The following MS4A8 variants were observed in gnomAD, a reference collection of about 807,000 sequenced individuals.
MS4A8 encodes the protein membrane spanning 4-domains A8.
Under a neutral mutation model 23.7 loss-of-function variants are expected in MS4A8, and 27 were observed. The ratio of observed to expected loss-of-function variants is 1.14; its 90% confidence interval spans 0.84 to 1.57. The LOEUF is 1.57. Among genes scored for constraint, MS4A8 ranks in the 40% most tolerant of loss-of-function variants. The pLI is 0.00. For missense variants in MS4A8, 301 were observed against 311.4 expected, an observed-to-expected ratio of 0.97 and a Z score of 0.25; for synonymous variants, 138 against 126.3, an observed-to-expected ratio of 1.09 and a Z score of -0.62.
intron 5 of MS4A8, among the ~76,000 whole-genome samples, chr11:60,711,094 T>C (rs796098431): frequency 1.4e-4 from 21 of 152,328 alleles, no homozygotes; most frequent in African/African-American, 5.1e-4. Flanking sequence ...ACTTATTTGT[T>C]ACATTTCATG....
intron 5 of MS4A8, chr11:60,711,918 G>A: frequency 2.2e-6 from 1 of 454,268 alleles, no homozygotes; most frequent in South Asian, 1.6e-5. Context: ...ATCTGAACAT[G>A]GAGGGTCGGA....
rs202135543 is a variant in MS4A8, at chr11:60,700,976, G to A, written c.116G>A (p.Ser39Asn). Residue 39 changes from serine to asparagine, a missense_variant, in exon 2 of 7, where the codon AGC becomes AAC. By Grantham distance (46) the Ser-to-Asn change is conservative (BLOSUM62 1). Transcript: ENST00000300226. ...IMSHVPLYPN[S>N]QPQVHLVPGN... ...TCTCACGTGCCCCTGTATCCAAACA[G>A]CCAGCCGCAAGTCCACCTAGTTCCT... is the stretch of plus-strand genomic sequence containing the variant. 6.2e-7 allele frequency: 1 copy of A among 1,614,184 alleles called. No homozygotes were observed. Among genetic ancestry groups the A allele is most frequent in the Non-Finnish European group, 8.5e-7 (1 of 1,180,034 alleles).
In MS4A8 at chr11:60,707,063, A is replaced by G. The variant is rs1426839429; in HGVS notation, c.402+16A>G. 1.2e-6 allele frequency: 2 copies of G among 1,609,888 alleles called. No homozygotes were observed. The highest frequency in any genetic ancestry group is 1.7e-6 in the Non-Finnish European group (2 of 1,176,230). On this transcript the variant is annotated intron_variant, in intron 4 of 6. Coordinates refer to ENST00000300226, the MANE Select transcript of MS4A8 (RefSeq NM_031457.2). ...TTATTGCCTGGTAAGTTACATTCTGAGACCAGCTCTTCCAACTGGAGACCT... is the reference window on the plus strand; with the variant it reads ...TTATTGCCTGGTAAGTTACATTCTGGGACCAGCTCTTCCAACTGGAGACCT...
At chr11:60,710,539 G>T (rs1376858438) in intron 5 of MS4A8, among the ~76,000 whole-genome samples, 1 of 151,946 alleles carries the variant, frequency 6.6e-6, no homozygotes, top group Non-Finnish European at 1.5e-5. Context: ...TTTTCCCCCA[G>T]CCCCTCTACT....
At position 60,715,451 on chromosome 11, in the gene MS4A8, A is replaced by G. The variant is rs185859781; in HGVS notation, c.*37A>G. 2 of 1,542,402 alleles carry G rather than the reference A, an allele frequency of 1.3e-6. No individual in the cohort carries two copies. Among genetic ancestry groups the G allele is most frequent in the East Asian group, 4.5e-5 (2 of 44,488 alleles). ...CTGGAAGCATCTTTCACTGGGACCAAAAGAAGTCCTCCTCCCTTTCTGGGC... is the reference window on the plus strand; with the variant it reads ...CTGGAAGCATCTTTCACTGGGACCAGAAGAAGTCCTCCTCCCTTTCTGGGC... On this transcript the variant is annotated 3_prime_UTR_variant, in exon 7 of 7. Transcript: ENST00000300226.
chr11:60,702,496 G>C (rs2088213566), intron 2 of MS4A8, among the ~76,000 whole-genome samples: 1 of 152,206 alleles, frequency 6.6e-6, no homozygotes, highest in Non-Finnish European at 1.5e-5. Flanking sequence ...TCTGCCTCCT[G>C]GGTTTAAGCG....
chr11:60,700,922 A>T lies in MS4A8; in HGVS notation c.62A>T (p.Asn21Ile). ...ANSVLVVAPH[N>I]GYPVTPGIMS... ...TCTGTGTTGGTGGTGGCACCCCACA[A>T]TGGTTATCCTGTGACCCCAGGAATT... The change falls in exon 2 of 7, where the codon AAT becomes ATT. Residue 21 changes from asparagine to isoleucine, a missense_variant. By Grantham distance (149) the Asn-to-Ile change is moderately radical. Transcript: ENST00000300226. The T allele has an allele frequency of 6.2e-7, 1 of 1,614,188 alleles. No individual in the cohort carries two copies. The highest frequency in any genetic ancestry group is 8.5e-7 in the Non-Finnish European group (1 of 1,180,030).
At position 60,703,720 on chromosome 11, in the gene MS4A8, C is replaced by A. The variant is rs917946985; in HGVS notation, c.342+220C>A. On this transcript the variant is annotated intron_variant, in intron 3 of 6. Coordinates refer to ENST00000300226, the MANE Select transcript of MS4A8 (RefSeq NM_031457.2). ...ACCACAGGTTGGATGGCTTAAACAA[C>A]AGAAATTTGTTATCTCACAGTTCTG... 2.6e-5 allele frequency among the ~76,000 whole-genome samples: 4 copies of A among 152,302 alleles called. No homozygotes were observed. The East Asian group carries it at 7.7e-4, about 29-fold the overall frequency.
Position 60,709,579 on chromosome 11 carries a change from C to G in MS4A8, c.534+798C>G, listed in dbSNP as rs1590954756. 2.0e-5 allele frequency among the ~76,000 whole-genome samples: 3 copies of G among 152,288 alleles called. No homozygotes were observed. The East Asian group carries it at 5.8e-4, about 29-fold the overall frequency. On this transcript the variant is annotated intron_variant, in intron 5 of 6. Transcript: ENST00000300226. ...GCTATGGCACATCTCGATTTGGGAC[C>G]AGCTACATCTCAAGTGTTTAAAAGC...
chr11:60,714,510 G>T (rs1031463919), intron 5 of MS4A8, among the ~76,000 whole-genome samples: 1 of 152,130 alleles, frequency 6.6e-6, no homozygotes, highest in Non-Finnish European at 1.5e-5. Context: ...TTACATCAGA[G>T]CCCAGCAAAC....
At position 60,715,647 on chromosome 11, in the gene MS4A8, T is replaced by A. The variant is rs1180927867; in HGVS notation, c.*233T>A. The A allele has an allele frequency of 3.8e-6, 2 of 522,904 alleles. No individual in the cohort carries two copies. The highest frequency in any genetic ancestry group is 3.4e-6 in the Non-Finnish European group (1 of 290,296). The allele number at this position is 522,904 out of a possible 1,614,324, so 32.4% of individuals were successfully genotyped here. A position where few individuals can be genotyped will look rare whatever the true frequency, so the allele number is the denominator to read the frequency against. On this transcript the variant is annotated 3_prime_UTR_variant, in exon 7 of 7. Transcript: ENST00000300226. Reference sequence around the variant, plus strand: ...ACCAAGAGGGACTCCCTAGGGCACATGCATCAGCACATATGTGGGCATCCA... The same window carrying A: ...ACCAAGAGGGACTCCCTAGGGCACAAGCATCAGCACATATGTGGGCATCCA...
At chr11:60,710,821 A>C (rs2088294662) in intron 5 of MS4A8, among the ~76,000 whole-genome samples, 1 of 152,044 alleles carries the variant, frequency 6.6e-6, no homozygotes, top group Admixed American at 6.5e-5. Context: ...AACCACGGGA[A>C]CCTCCATGAT....
At chr11:60,704,706 C>T (rs1428588961) in intron 3 of MS4A8, among the ~76,000 whole-genome samples, 1 of 152,120 alleles carries the variant, frequency 6.6e-6, no homozygotes, top group Non-Finnish European at 1.5e-5. Flanking sequence ...CCATAGCTTT[C>T]ATCAGATTAT....
In MS4A8 at chr11:60,715,457, G is replaced by A. The variant is rs1565054771; in HGVS notation, c.*43G>A. On this transcript the variant is annotated 3_prime_UTR_variant, in exon 7 of 7. Transcript: ENST00000300226. Reference sequence around the variant, plus strand: ...GCATCTTTCACTGGGACCAAAAGAAGTCCTCCTCCCTTTCTGGGCTTCCAT... The same window carrying A: ...GCATCTTTCACTGGGACCAAAAGAAATCCTCCTCCCTTTCTGGGCTTCCAT... 1.3e-6 allele frequency: 2 copies of A among 1,514,570 alleles called. No individual in the cohort carries two copies. The highest frequency in any genetic ancestry group is 1.7e-5 in the Admixed American group (1 of 58,070). 93.8% of individuals were successfully genotyped at this position (1,514,570 alleles called of 1,614,324 possible).
At chr11:60,712,316 T>G (rs575551266) in intron 5 of MS4A8, 1 of 985,214 alleles carries the variant, frequency 1.0e-6, no homozygotes, top group East Asian at 1.1e-4. Flanking sequence ...CATCTGCATC[T>G]GTTTTCCTAC....
chr11:60,700,029 C>A (rs2088188026), intron 1 of MS4A8, among the ~76,000 whole-genome samples: 1 of 152,150 alleles, frequency 6.6e-6, no homozygotes, highest in African/African-American at 2.4e-5. Context: ...TGGAAGCCAC[C>A]CAATGAACAG....
At chr11:60,707,459 A>G (rs1325457153) in intron 4 of MS4A8, among the ~76,000 whole-genome samples, 1 of 152,194 alleles carries the variant, frequency 6.6e-6, no homozygotes, top group Non-Finnish European at 1.5e-5. Context: ...GGGGAAGCCG[A>G]AGGAGGCTCA....
rs147400889 is a variant in MS4A8, at chr11:60,715,069, G to C, written c.583G>C (p.Glu195Gln). Reference protein sequence around the residue: ...SGVLLVFCLLEFGIACASSHF... With the variant: ...SGVLLVFCLLQFGIACASSHF... ...CGTGCTGCTGGTCTTCTGCCTCCTG[G>C]AGTTTGGCATCGCATGCGCATCTTC... is the stretch of plus-strand genomic sequence containing the variant. The change falls in exon 6 of 7, where the codon GAG becomes CAG. Residue 195 changes from glutamate to glutamine, a missense_variant. By Grantham distance (29) the Glu-to-Gln change is conservative. Coordinates refer to ENST00000300226, the MANE Select transcript of MS4A8 (RefSeq NM_031457.2). 3.6e-5 allele frequency: 58 copies of C among 1,614,118 alleles called. No homozygotes were observed. The African/African-American group carries it at 6.1e-4, about 17-fold the overall frequency.
rs141691182 is a variant in MS4A8 at position 60,703,410 on chromosome 11, C to G, written c.252C>G (p.Ile84Met). ...AIQIIIGLAH[I>M]GLGSIMATVL... is the part of the protein sequence containing the mutation. The stretch of plus-strand genomic sequence containing the variant: ...AGATCATCATTGGCCTGGCTCACAT[C>G]GGCCTCGGCTCCATCATGGCGACGG... The change falls in exon 3 of 7, where the codon ATC becomes ATG. Residue 84 changes from isoleucine (I) to methionine (M), a missense_variant. By Grantham distance (10) the Ile-to-Met change is conservative (BLOSUM62 1). Transcript: ENST00000300226. The G allele has an allele frequency of 1.9e-6, 3 of 1,602,268 alleles. No homozygotes were observed. The East Asian group carries it at 6.9e-5, about 37-fold the overall frequency.
Sources: allele counts gnomAD v4.1 joint callset (sites outside exome capture counted in the v4.1 genomes callset), GRCh38; gene constraint gnomAD v4.1.1; transcripts MANE v1.5; gene names NCBI Gene and HGNC (gene_info 2026-07-23, HGNC 2026-07-21).